Variants in SH3RF3 observed in about 807,000 individuals in gnomAD.
SH3RF3 encodes the protein E3 ubiquitin-protein ligase SH3RF3.
A neutral mutation model predicts 66.3 loss-of-function variants in SH3RF3; 29 were observed. The ratio of observed to expected loss-of-function variants is 0.44; its 90% CI spans 0.33 to 0.60. The LOEUF is 0.60. Ranked by LOEUF, SH3RF3 falls within the 20% of genes least tolerant of loss-of-function variation. The pLI, the probability that SH3RF3 is intolerant of heterozygous loss-of-function variation, is 0.04. For missense variants in SH3RF3, 1,194 were observed against 1,190.9 expected (o/e 1.00, Z -0.04); for synonymous variants, 583 against 532.0 (o/e 1.10, Z -1.32).
At chr2:109,493,500 A>G (rs1331620491) in intron 9 of SH3RF3, among the ~76,000 whole-genome samples, 2 of 151,184 alleles carry the variant, frequency 1.3e-5, no homozygotes, top group African/African-American at 4.9e-5. Flanking sequence ...ACACCATACA[A>G]ACACATACCT....
intron 8 of SH3RF3, among the ~76,000 whole-genome samples, chr2:109,474,354 A>C (rs1454603815): frequency 6.6e-6 from 1 of 152,146 alleles, no homozygotes; most frequent in Non-Finnish European, 1.5e-5. Flanking sequence ...TCTGTGAGCC[A>C]TTTGGGCTGT....
intron 1 of SH3RF3, among the ~76,000 whole-genome samples, chr2:109,154,240 C>T (rs1677286427): frequency 6.6e-6 from 1 of 152,222 alleles, no homozygotes; most frequent in Non-Finnish European, 1.5e-5. Context: ...CATTTCTGGC[C>T]TCACTTGGGT....
chr2:109,130,786 T>A (rs1407311763), intron 1 of SH3RF3, among the ~76,000 whole-genome samples: 3 of 152,154 alleles, frequency 2.0e-5, no homozygotes, highest in African/African-American at 7.2e-5. Flanking sequence ...TTATTTTTGG[T>A]ACAGCCGCAT....
chr2:109,232,677 G>T (rs1263336596), intron 1 of SH3RF3, among the ~76,000 whole-genome samples: 1 of 152,160 alleles, frequency 6.6e-6, no homozygotes, highest in Non-Finnish European at 1.5e-5. Context: ...AGAAATGTGG[G>T]ATCATCCAAA....
chr2:109,148,178 A>C (rs1216799504), intron 1 of SH3RF3, among the ~76,000 whole-genome samples: 1 of 152,234 alleles, frequency 6.6e-6, no homozygotes, highest in African/African-American at 2.4e-5. Flanking sequence ...CGATGGTGGA[A>C]ACCTGGCTCT....
chr2:109,414,147 G>C (rs1259704878), intron 4 of SH3RF3, among the ~76,000 whole-genome samples: 2 of 152,204 alleles, frequency 1.3e-5, no homozygotes, highest in African/African-American at 4.8e-5. Context: ...CCCGCAGATG[G>C]GGCCAGGGCA....
chr2:109,408,824 A>G (rs1437637129), intron 4 of SH3RF3, among the ~76,000 whole-genome samples: 1 of 152,256 alleles, frequency 6.6e-6, no homozygotes, highest in Non-Finnish European at 1.5e-5. Flanking sequence ...GCAAAGCTGG[A>G]TGGAGAAGCC....
At chr2:109,487,961 G>T (rs1432954851) in intron 8 of SH3RF3, among the ~76,000 whole-genome samples, 1 of 152,234 alleles carries the variant, frequency 6.6e-6, no homozygotes, top group East Asian at 1.9e-4. Flanking sequence ...CCTAGACGGG[G>T]ATGAACAGCC....
At chr2:109,315,440 A>G (rs762258135) in intron 1 of SH3RF3, among the ~76,000 whole-genome samples, 11 of 152,236 alleles carry the variant, frequency 7.2e-5, no homozygotes, top group Non-Finnish European at 1.3e-4. Context: ...CAGGGAAGCA[A>G]TAGCTTGTGT....
intron 1 of SH3RF3, among the ~76,000 whole-genome samples, chr2:109,241,644 C>T (rs1314392886): frequency 6.6e-6 from 1 of 152,130 alleles, no homozygotes; most frequent in East Asian, 1.9e-4. Flanking sequence ...CTCTCTGTCT[C>T]CCCGCCTCGC....
intron 1 of SH3RF3, among the ~76,000 whole-genome samples, chr2:109,139,282 G>T (rs552771972): frequency 1.3e-5 from 2 of 151,956 alleles, no homozygotes; most frequent in Non-Finnish European, 1.5e-5. Context: ...AATTAATGTC[G>T]CCTTAACAAA....
At chr2:109,406,980 G>A (rs28750069) in intron 4 of SH3RF3, among the ~76,000 whole-genome samples, 7,488 of 152,262 alleles carry the variant, frequency 0.049, 342 homozygotes, top group African/African-American at 0.11. Flanking sequence ...CAGAAGTTGG[G>A]AAGCTTCAAA....
chr2:109,450,072 G>A (rs115702508), intron 8 of SH3RF3, among the ~76,000 whole-genome samples: 6,870 of 152,198 alleles, frequency 0.045, 462 homozygotes, highest in African/African-American at 0.14. Flanking sequence ...TGGGCCAGGC[G>A]TGGTGGCTCA....
rs1681039837 is a variant in SH3RF3 at position 109,286,844 on chromosome 2, C to G, written c.574-60830C>G. On this transcript the variant is annotated intron_variant, in intron 1 of 9. Coordinates refer to ENST00000309415, the MANE Select transcript of SH3RF3 (RefSeq NM_001099289.3). ...GTAGCCATTCTACCTTTCCCAGATCCAAACTTCTCCAACTCTAAATTCGTT... is the reference window on the plus strand; with the variant it reads ...GTAGCCATTCTACCTTTCCCAGATCGAAACTTCTCCAACTCTAAATTCGTT... Among the ~76,000 whole-genome samples, 3 of 152,150 alleles carry G rather than the reference C, an allele frequency of 2.0e-5. No individual in the cohort carries two copies. The South Asian group carries it at 6.2e-4, about 32-fold the overall frequency.
intron 1 of SH3RF3, among the ~76,000 whole-genome samples, chr2:109,188,967 C>T (rs933719872): frequency 6.6e-6 from 1 of 151,854 alleles, no homozygotes; most frequent in Non-Finnish European, 1.5e-5. Context: ...GTGAAGTACT[C>T]TTTTCATCTT....
At chr2:109,453,498 T>TA (rs1376338110) in intron 8 of SH3RF3, among the ~76,000 whole-genome samples, 1 of 152,170 alleles carries the variant, frequency 6.6e-6, no homozygotes, top group Non-Finnish European at 1.5e-5. Context: ...ACCCTCAGGG[T>TA]ACCTAAGTCC....
At chr2:109,268,793 T>G (rs1680561167) in intron 1 of SH3RF3, among the ~76,000 whole-genome samples, 1 of 152,108 alleles carries the variant, frequency 6.6e-6, no homozygotes, top group South Asian at 2.1e-4. Context: ...TAGGCTAATG[T>G]GCGTGTTCTG....
chr2:109,471,792 G>A (rs1678519454), intron 8 of SH3RF3, among the ~76,000 whole-genome samples: 1 of 152,184 alleles, frequency 6.6e-6, no homozygotes, highest in African/African-American at 2.4e-5. Flanking sequence ...GCACAGTCCT[G>A]GATAGCTTGT....
chr2:109,271,236 A>G (rs1057393426), intron 1 of SH3RF3, among the ~76,000 whole-genome samples: 2 of 152,134 alleles, frequency 1.3e-5, no homozygotes, highest in Non-Finnish European at 2.9e-5. Flanking sequence ...GGGAACCAGG[A>G]ATGAATTGCT....
Sources: allele counts gnomAD v4.1 joint callset (sites outside exome capture counted in the v4.1 genomes callset), GRCh38; gene constraint gnomAD v4.1.1; transcripts MANE v1.5; gene names NCBI Gene and HGNC (gene_info 2026-07-23, HGNC 2026-07-21).